LINGO2: variants seen among roughly 807,000 people sequenced by gnomAD.
The protein encoded by LINGO2 is leucine-rich repeat and immunoglobulin-like domain-containing nogo receptor-interacting protein 2.
A neutral mutation model predicts 30.6 loss-of-function variants in LINGO2; 14 were observed. That is an observed-to-expected ratio of 0.46 (90% CI 0.30 to 0.72). LINGO2 has a LOEUF of 0.72. Among genes scored for constraint, LINGO2 ranks in the 30% least tolerant of loss-of-function variants. The pLI, the probability that LINGO2 is intolerant of heterozygous loss-of-function variation, is 0.07. For synonymous variants in LINGO2, 317 were observed against 288.5 expected, an observed-to-expected ratio of 1.10 and a Z score of -1.00; for missense variants, 729 against 751.7, an observed-to-expected ratio of 0.97 and a Z score of 0.35.
At chr9:28,030,936 G>T (rs746112383) in intron 4 of LINGO2, among the ~76,000 whole-genome samples, 1 of 152,132 alleles carries the variant, frequency 6.6e-6, no homozygotes, top group Non-Finnish European at 1.5e-5. Context: ...ACTCCCCAAG[G>T]CCACATTGCA....
the LINGO2 span, among the ~76,000 whole-genome samples, chr9:28,814,603 G>A: frequency 6.6e-6 from 1 of 151,014 alleles, no homozygotes; most frequent in Non-Finnish European, 1.5e-5. Context: ...AAAATGCTAG[G>A]ATGGCTGGGC....
At chr9:28,059,616 C>T (rs529103957) in intron 4 of LINGO2, among the ~76,000 whole-genome samples, 2 of 152,180 alleles carry the variant, frequency 1.3e-5, no homozygotes, top group East Asian at 3.9e-4. Context: ...AACCACAGAC[C>T]TTTTGAAAAG....
At chr9:28,587,701 G>A (rs567243926) in intron 1 of LINGO2, among the ~76,000 whole-genome samples, 30 of 151,776 alleles carry the variant, frequency 2.0e-4, no homozygotes, top group Admixed American at 5.9e-4. Flanking sequence ...TAGATGCCAC[G>A]TAGGCCAGGA....
the LINGO2 span, among the ~76,000 whole-genome samples, chr9:28,915,336 C>T: frequency 1.3e-5 from 2 of 152,228 alleles, no homozygotes; most frequent in South Asian, 4.1e-4. Flanking sequence ...TCATTTGAAA[C>T]ACCTGCAGGG....
At chr9:28,175,339 T>C (rs906336188) in intron 4 of LINGO2, among the ~76,000 whole-genome samples, 1 of 152,132 alleles carries the variant, frequency 6.6e-6, no homozygotes, top group Non-Finnish European at 1.5e-5. Flanking sequence ...CTTGCTCATG[T>C]GTCTGACCGC....
the LINGO2 span, among the ~76,000 whole-genome samples, chr9:28,874,315 G>A: frequency 6.6e-6 from 1 of 151,914 alleles, no homozygotes; most frequent in Non-Finnish European, 1.5e-5. Flanking sequence ...ATCTCACTGT[G>A]TAAGTGATAA....
intron 4 of LINGO2, among the ~76,000 whole-genome samples, chr9:28,052,752 G>C (rs774852892): frequency 6.6e-6 from 1 of 152,096 alleles, no homozygotes; most frequent in South Asian, 2.1e-4. Flanking sequence ...TAAGGAATCA[G>C]ATCTAGTAAG....
chr9:28,031,898 A>G (rs139410139), intron 4 of LINGO2, among the ~76,000 whole-genome samples: 81 of 152,230 alleles, frequency 5.3e-4, no homozygotes, highest in African/African-American at 1.8e-3. Flanking sequence ...ATCCTCCTTA[A>G]AATACCTTCA....
At chr9:28,900,437 T>C in the LINGO2 span, among the ~76,000 whole-genome samples, 1 of 152,138 alleles carries the variant, frequency 6.6e-6, no homozygotes, top group African/African-American at 2.4e-5. Context: ...TCAGACTTTA[T>C]GGATACAGGC....
At chr9:28,249,832 C>T (rs919986217) in intron 4 of LINGO2, among the ~76,000 whole-genome samples, 4 of 152,092 alleles carry the variant, frequency 2.6e-5, no homozygotes, top group African/African-American at 9.7e-5. Context: ...TTTTAAAACT[C>T]CATTTAAATT....
the LINGO2 span, among the ~76,000 whole-genome samples, chr9:28,945,101 G>C: frequency 1.3e-5 from 2 of 152,118 alleles, no homozygotes; most frequent in African/African-American, 2.4e-5. Flanking sequence ...CCTAGGATTA[G>C]GAAGCAGCTG....
chr9:27,969,042 G>T (rs930191866), intron 5 of LINGO2, among the ~76,000 whole-genome samples: 2 of 151,824 alleles, frequency 1.3e-5, no homozygotes, highest in Non-Finnish European at 2.9e-5. Context: ...TAATATACAT[G>T]CTAATTATCC....
chr9:29,124,356 A>C, the LINGO2 span, among the ~76,000 whole-genome samples: 1 of 152,152 alleles, frequency 6.6e-6, no homozygotes, highest in Non-Finnish European at 1.5e-5. Flanking sequence ...GCATGGGCAA[A>C]GACTTCATGA....
intron 3 of LINGO2, among the ~76,000 whole-genome samples, chr9:28,300,372 G>A (rs67652289): frequency 0.056 from 8,530 of 152,110 alleles, 303 homozygotes; most frequent in East Asian, 0.19. Flanking sequence ...CTAAGGTAAC[G>A]CTATCAATCA....
chr9:29,114,882 C>A, the LINGO2 span, among the ~76,000 whole-genome samples: 1 of 151,906 alleles, frequency 6.6e-6, no homozygotes, highest in Admixed American at 6.6e-5. Flanking sequence ...CAGTTCTTTA[C>A]GGATGAACTA....
At chr9:27,994,981 C>T (rs1422841738) in intron 5 of LINGO2, among the ~76,000 whole-genome samples, 2 of 152,058 alleles carry the variant, frequency 1.3e-5, no homozygotes, top group Non-Finnish European at 2.9e-5. Context: ...AGTCACTTGG[C>T]AGAATACTTT....
chr9:29,106,558 T>G, the LINGO2 span, among the ~76,000 whole-genome samples: 1 of 152,162 alleles, frequency 6.6e-6, no homozygotes, highest in Non-Finnish European at 1.5e-5. Context: ...CTTGATTTCC[T>G]GCAGAGACAC....
the LINGO2 span, among the ~76,000 whole-genome samples, chr9:28,904,493 A>G: frequency 4.2e-4 from 64 of 152,190 alleles, no homozygotes; most frequent in Non-Finnish European, 5.4e-4. Flanking sequence ...GAACTAATAA[A>G]GAAATTCCAT....
At chr9:28,798,799 T>A in the LINGO2 span, among the ~76,000 whole-genome samples, 9 of 152,062 alleles carry the variant, frequency 5.9e-5, no homozygotes, top group African/African-American at 2.2e-4. Flanking sequence ...AGCAAGTGAA[T>A]GGCACATATA....
Sources: gnomAD v4.1 joint callset for allele counts (sites outside exome capture counted in the v4.1 genomes callset) on GRCh38, gnomAD v4.1.1 for gene constraint, MANE v1.5 for transcripts, NCBI Gene and HGNC (gene_info 2026-07-23, HGNC 2026-07-21) for gene names.